Variants in MRTFA observed in about 807,000 individuals in gnomAD.
MRTFA encodes the protein myocardin-related transcription factor A.
A neutral mutation model predicts 83.5 loss-of-function variants in MRTFA; 20 were observed. The observed-to-expected ratio is 0.24, with a 90% CI of 0.17 to 0.35. The LOEUF is 0.35. Ranked by LOEUF, MRTFA falls within the 10% of genes least tolerant of loss-of-function variation. The probability of loss-of-function intolerance (pLI) is 1.00; values close to 1 mark genes in which losing one functional copy is unlikely to be tolerated. For synonymous variants in MRTFA, 659 were observed against 541.2 expected (o/e 1.22, Z -3.02); for missense variants, 1,200 against 1,224.7 (o/e 0.98, Z 0.30).
At chr22:40,626,898 C>CACACTA (rs766032049) in intron 1 of MRTFA, among the ~76,000 whole-genome samples, 1 of 151,362 alleles carries the variant, frequency 6.6e-6, no homozygotes, top group Non-Finnish European at 1.5e-5. Flanking sequence ...CACACACACA[C>CACACTA]ACTAACTAAA....
At chr22:40,578,209 C>A (rs1446193460) in intron 2 of MRTFA, among the ~76,000 whole-genome samples, 1 of 152,160 alleles carries the variant, frequency 6.6e-6, no homozygotes, top group Non-Finnish European at 1.5e-5. Context: ...CCACCTTGGC[C>A]TCCCAGAGTG....
intron 3 of MRTFA, among the ~76,000 whole-genome samples, chr22:40,509,230 A>G (rs192810497): frequency 6.6e-6 from 1 of 152,324 alleles, no homozygotes; most frequent in African/African-American, 2.4e-5. Flanking sequence ...CACATTCTAA[A>G]TATTTCCTGG....
chr22:40,461,140 C>T (rs764953446), intron 4 of MRTFA, among the ~76,000 whole-genome samples: 8 of 140,556 alleles, frequency 5.7e-5, no homozygotes, highest in South Asian at 2.2e-4. Context: ...GAGAGGTGGA[C>T]GCTGCAGTGA....
intron 3 of MRTFA, among the ~76,000 whole-genome samples, chr22:40,484,772 G>A (rs2054147072): frequency 6.6e-6 from 1 of 152,022 alleles, no homozygotes; most frequent in South Asian, 2.1e-4. Context: ...GGAAATTCCA[G>A]CTCAAAATCT....
At chr22:40,612,491 GTTTT>G (rs1490360926) in intron 1 of MRTFA, among the ~76,000 whole-genome samples, 2 of 152,156 alleles carry the variant, frequency 1.3e-5, no homozygotes, top group Non-Finnish European at 2.9e-5. Flanking sequence ...GCACGCAAAC[GTTTT>G]TTGTTTAGTC....
chr22:40,506,861 CAT>C (rs753220652), intron 3 of MRTFA, among the ~76,000 whole-genome samples: 2 of 152,204 alleles, frequency 1.3e-5, no homozygotes, highest in East Asian at 1.9e-4. Flanking sequence ...CCAGCAAGCA[CAT>C]GTGACACACA....
chr22:40,493,754 T>C (rs1246537970), intron 3 of MRTFA, among the ~76,000 whole-genome samples: 1 of 152,154 alleles, frequency 6.6e-6, no homozygotes, highest in East Asian at 1.9e-4. Context: ...GAAAAACAGT[T>C]TGGGAGTTTC....
Position 40,628,553 on chromosome 22 carries a change from C to G in MRTFA, c.-84+7925G>C, listed in dbSNP as rs188546354. Among the ~76,000 whole-genome samples the G allele has an allele frequency of 4.6e-5, 7 of 151,948 alleles. No individual in the cohort carries two copies. The East Asian group carries it at 1.4e-3, about 29-fold the overall frequency. ...AATGAACTAGCCAAATTACTCATTA[C>G]AAGCTCTCATTTACACAGAGAATGA... On this transcript the variant is annotated intron_variant, in intron 1 of 14. Coordinates refer to ENST00000355630, the MANE Select transcript of MRTFA (RefSeq NM_020831.6).
chr22:40,604,124 GTTTC>G (rs1286146252), intron 1 of MRTFA, among the ~76,000 whole-genome samples: 1 of 148,684 alleles, frequency 6.7e-6, no homozygotes, highest in East Asian at 2.0e-4. Context: ...AAAGCTGTTA[GTTTC>G]TTTTTTTTTT....
At chr22:40,444,150 T>C (rs1395145472) in intron 4 of MRTFA, among the ~76,000 whole-genome samples, 4 of 152,044 alleles carry the variant, frequency 2.6e-5, no homozygotes, top group African/African-American at 2.4e-5. Flanking sequence ...GGAAAGAACA[T>C]ACAGAGACTC....
intron 1 of MRTFA, among the ~76,000 whole-genome samples, chr22:40,630,442 A>C (rs1342909475): frequency 6.6e-6 from 1 of 152,254 alleles, no homozygotes; most frequent in Non-Finnish European, 1.5e-5. Flanking sequence ...GGCAGTTTTT[A>C]AGTCAACAGA....
intron 3 of MRTFA, among the ~76,000 whole-genome samples, chr22:40,504,460 G>A (rs2054547621): frequency 6.6e-6 from 1 of 152,160 alleles, no homozygotes; most frequent in Admixed American, 6.5e-5. Context: ...TTCCAAACAA[G>A]TCAGTACATC....
At chr22:40,607,454 A>G (rs1258067864) in intron 1 of MRTFA, among the ~76,000 whole-genome samples, 1 of 151,306 alleles carries the variant, frequency 6.6e-6, no homozygotes, top group African/African-American at 2.4e-5. Context: ...CAGTGAGCTG[A>G]GATCACACCA....
intron 1 of MRTFA, among the ~76,000 whole-genome samples, chr22:40,630,641 T>C (rs1045308478): frequency 6.6e-6 from 1 of 152,202 alleles, no homozygotes; most frequent in African/African-American, 2.4e-5. Context: ...TTTCACAAAA[T>C]CCGTCCTTTG....
At chr22:40,413,066 G>A (rs2052594272) in intron 14 of MRTFA, among the ~76,000 whole-genome samples, 1 of 150,152 alleles carries the variant, frequency 6.7e-6, no homozygotes, top group African/African-American at 2.5e-5. Flanking sequence ...GAACCCGGGA[G>A]GCGGAGGTTG....
At position 40,481,553 on chromosome 22, in the gene MRTFA, T is replaced by C. The variant is rs186914988; in HGVS notation, c.242-18267A>G. 9.9e-5 allele frequency among the ~76,000 whole-genome samples: 15 copies of C among 152,026 alleles called. No individual in the cohort carries two copies. In the East Asian group the frequency reaches 2.7e-3, roughly 27 times the overall value. On this transcript the variant is annotated intron_variant, in intron 3 of 14. Coordinates refer to ENST00000355630, the MANE Select transcript of MRTFA (RefSeq NM_020831.6). ...GTACATTATGTGAAGAAAAATATAG[T>C]GGAACAAGAGAACAGAGAGTGACAG...
chr22:40,548,862 CAA>C lies in MRTFA; in HGVS notation c.241+3242_241+3243del, dbSNP rs2055406241. On this transcript the variant is annotated intron_variant, in intron 3 of 14. Coordinates refer to ENST00000355630, the MANE Select transcript of MRTFA (RefSeq NM_020831.6). ...CTGGCAACAGAGTGAGACTCTGTCT[CAA>C]AAATATATATATACCACTTACATCT... Among the ~76,000 whole-genome samples the C allele has an allele frequency of 2.2e-5, 3 of 139,430 alleles. No homozygotes were observed. The South Asian group carries it at 6.8e-4, about 32-fold the overall frequency. The allele number at this position is 139,430 out of a possible 152,430, so 91.5% of individuals were successfully genotyped here. A position where few individuals can be genotyped will look rare whatever the true frequency, so the allele number is the denominator to read the frequency against.
Position 40,419,081 on chromosome 22 carries a change from C to CG in MRTFA, c.1656dup (p.Val553ArgfsTer16). The CG allele has an allele frequency of 3.1e-6, 5 of 1,605,334 alleles. No individual in the cohort carries two copies. The highest frequency in any genetic ancestry group is 4.2e-6 in the Non-Finnish European group (5 of 1,176,566). ...GAGCGCTCCGAGGGGGTGGGAGACA[C>CG]GGGGGGCGTGGAGCCCGTGCTGCCA... On this transcript the variant is annotated frameshift_variant, in exon 12 of 15. Transcript: ENST00000355630. LOFTEE classifies it high-confidence loss of function.
At position 40,625,527 on chromosome 22, in the gene MRTFA, CA is replaced by C. The variant is rs1236082144; in HGVS notation, c.-84+10950del. Among the ~76,000 whole-genome samples the C allele has an allele frequency of 6.6e-5, 10 of 151,810 alleles. No homozygotes were observed. In the East Asian group the frequency reaches 1.9e-3, roughly 29 times the overall value. ...GGCAGGGTGGCTCACGCCTGTAATC[CA>C]TAACTTTGGGAGGCTGAGGCAGGCA... On this transcript the variant is annotated intron_variant, in intron 1 of 14. Coordinates refer to ENST00000355630, the MANE Select transcript of MRTFA (RefSeq NM_020831.6).
Sources: gnomAD v4.1 joint callset for allele counts (sites outside exome capture counted in the v4.1 genomes callset) on GRCh38, gnomAD v4.1.1 for gene constraint, MANE v1.5 for transcripts, NCBI Gene and HGNC (gene_info 2026-07-23, HGNC 2026-07-21) for gene names.